The following NUP188 variants were observed in gnomAD, a reference collection of about 807,000 sequenced individuals.
NUP188 encodes nucleoporin 188, also known as nucleoporin NUP188.
Under a neutral mutation model 223.0 loss-of-function variants are expected in NUP188, and 97 were observed. The observed-to-expected ratio is 0.43, with a 90% CI of 0.37 to 0.51. NUP188 has a LOEUF of 0.51. Ranked by LOEUF, NUP188 falls within the 20% of genes least tolerant of loss-of-function variation. NUP188 has a pLI of 0.00. For missense variants in NUP188, 1,947 were observed against 2,175.6 expected, an observed-to-expected ratio of 0.89 and a Z score of 2.09; for synonymous variants, 869 against 828.0, an observed-to-expected ratio of 1.05 and a Z score of -0.85.
At chr9:128,985,349 G>A (rs773672519) in intron 20 of NUP188, 10 of 177,018 alleles carry the variant, frequency 5.6e-5, no homozygotes, top group Non-Finnish European at 1.1e-4. Flanking sequence ...ATACATGTGT[G>A]TATATTCCTG....
intron 11 of NUP188, 134 bp downstream of exon 11, chr9:128,971,092 C>A: frequency 1.4e-6 from 1 of 695,126 alleles, no homozygotes; most frequent in Non-Finnish European, 2.6e-6. Flanking sequence ...TAGACATCAT[C>A]AGGCATTATT....
rs780339259 is a variant in NUP188 at position 128,970,791 on chromosome 9, A to G, written c.946A>G (p.Ile316Val). 5.0e-6 allele frequency: 8 copies of G among 1,614,220 alleles called. No homozygotes were observed. ...CTGTTTAATGTTGACCTTTGGGGAC[A>G]TTCCACATCATGCCCCAGTGCTTTT... ...MDCLMLTFGDIPHHAPVLLAW... is the reference protein window; with the variant it reads ...MDCLMLTFGDVPHHAPVLLAW... The change falls in exon 11 of 44, where the codon ATT becomes GTT. Residue 316 changes from isoleucine (I) to valine (V), a missense_variant. By Grantham distance (29) the Ile-to-Val change is conservative (BLOSUM62 3). Coordinates refer to ENST00000372577, the MANE Select transcript of NUP188 (RefSeq NM_015354.3).
At chr9:128,991,093 T>C (rs1448108012) in intron 25 of NUP188, among the ~76,000 whole-genome samples, 1 of 151,720 alleles carries the variant, frequency 6.6e-6, no homozygotes. Context: ...AACAGAAAGT[T>C]AAGATGCCCT....
At chr9:128,979,545 C>T (rs977775518) in intron 13 of NUP188, among the ~76,000 whole-genome samples, 3 of 152,034 alleles carry the variant, frequency 2.0e-5, no homozygotes, top group Non-Finnish European at 4.4e-5. Flanking sequence ...AAGAGGCAGC[C>T]AGAACCCAGT....
chr9:129,001,825 C>T, intron 35 of NUP188, 59 bp from the exon 36 acceptor site: 1 of 1,597,312 alleles, frequency 6.3e-7, no homozygotes, highest in East Asian at 2.2e-5. Flanking sequence ...AGAGCCCTAC[C>T]TACCCTAGGC....
chr9:128,983,435 A>C lies in NUP188; in HGVS notation c.1885-39A>C, dbSNP rs761381193. 3 of 1,605,260 alleles carry C rather than the reference A, an allele frequency of 1.9e-6. No individual in the cohort carries two copies. In the Admixed American group the frequency reaches 5.0e-5, roughly 27 times the overall value. On this transcript the variant is annotated intron_variant, in intron 18 of 43. Transcript: ENST00000372577. ...AAATGTAGCACTTGGCACATACCTGAAGATATGTGGGCATTTAACTCTTCC... is the reference window on the plus strand; with the variant it reads ...AAATGTAGCACTTGGCACATACCTGCAGATATGTGGGCATTTAACTCTTCC...
rs1173111275 is a variant in NUP188 at position 128,994,711 on chromosome 9, C to T, written c.3088-145C>T. On this transcript the variant is annotated intron_variant, in intron 28 of 43. Coordinates refer to ENST00000372577, the MANE Select transcript of NUP188 (RefSeq NM_015354.3). The stretch of plus-strand genomic sequence containing the variant: ...ACGTTGTGGACCTGACGCCTCTGCT[C>T]TTGCAAGTCAGGACATTCACATTCA... The T allele has an allele frequency of 2.0e-5, 15 of 743,242 alleles. 1 individual carries two copies. Among genetic ancestry groups the T allele is most frequent in the South Asian group, 1.5e-4 (9 of 60,702 alleles). 46.0% of individuals were successfully genotyped at this position (743,242 alleles called of 1,614,324 possible).
intron 15 of NUP188, 96 bp from the exon 16 acceptor site, chr9:128,982,453 G>T: frequency 9.0e-7 from 1 of 1,117,084 alleles, no homozygotes. Context: ...CTGTGAGTTT[G>T]TGTATCTCTG....
At chr9:128,998,393 TGCCA>T in intron 31 of NUP188, 141 bp from the exon 32 acceptor site, 1 of 955,422 alleles carries the variant, frequency 1.0e-6, no homozygotes, top group East Asian at 2.4e-5. Flanking sequence ...GCTCTGCTGC[TGCCA>T]TGCCAACCCT....
intron 3 of NUP188, among the ~76,000 whole-genome samples, chr9:128,954,214 G>A (rs970272437): frequency 6.6e-6 from 1 of 151,812 alleles, no homozygotes; most frequent in Non-Finnish European, 1.5e-5. Context: ...CTGTGACAAT[G>A]TCTTAGTCTT....
In NUP188 at chr9:128,979,322, G is replaced by A. The variant is rs754180932; in HGVS notation, c.1264G>A (p.Gly422Arg). The change falls in exon 13 of 44, where the codon GGA (glycine) becomes AGA (arginine). Residue 422 changes from glycine to arginine, a missense_variant. By Grantham distance (125) the Gly-to-Arg change is moderately radical. Coordinates refer to ENST00000372577, the MANE Select transcript of NUP188 (RefSeq NM_015354.3). ...ADPSLPELFW[G>R]TEPTSGLGII... is the part of the protein sequence containing the mutation. ...CCCTTCTCTTCCGGAACTGTTCTGG[G>A]GAACAGTAAGTATGTCAGAGAGAGT... The A allele has an allele frequency of 2.5e-6, 4 of 1,606,114 alleles. No homozygotes were observed. In the East Asian group the frequency reaches 8.9e-5, roughly 36 times the overall value.
intron 36 of NUP188, among the ~76,000 whole-genome samples, chr9:129,002,527 CT>C (rs1842690068): frequency 6.6e-6 from 1 of 152,248 alleles, no homozygotes; most frequent in African/African-American, 2.4e-5. Context: ...CCAGCTACCC[CT>C]TAGAGGAAGT....
chr9:128,955,416 C>T (rs1841855030), intron 3 of NUP188, among the ~76,000 whole-genome samples: 1 of 152,092 alleles, frequency 6.6e-6, no homozygotes, highest in African/African-American at 2.4e-5. Context: ...AAGCTACACT[C>T]CTGCCTTGGC....
At chr9:128,993,835 C>T in intron 27 of NUP188, 141 bp downstream of exon 27, 2 of 703,574 alleles carry the variant, frequency 2.8e-6, no homozygotes, top group Non-Finnish European at 4.7e-6. Flanking sequence ...GAGTTTTACA[C>T]TAATTCTCTT....
rs752338229 is a variant in NUP188 at position 128,983,322 on chromosome 9, A to G, written c.1826A>G (p.Asp609Gly). The change falls in exon 18 of 44, where the codon GAT (aspartate) becomes GGT (glycine). Residue 609 changes from aspartate (D) to glycine (G), a missense_variant. Asp to Gly is a moderately conservative substitution (Grantham distance 94). Around this residue, in one of 3 missense-constraint regions of NUP188, gnomAD observed 817 missense variants for 865.8 expected, o/e 0.94. Transcript: ENST00000372577. Reference sequence around the variant, plus strand: ...ACGACAGTGATCTCCCCACCTGTGGATGTCATTGCTTCTTGTGTCAACTGC... The same window carrying G: ...ACGACAGTGATCTCCCCACCTGTGGGTGTCATTGCTTCTTGTGTCAACTGC... ...RLTTVISPPV[D>G]VIASCVNCLT... 6 of 1,614,118 alleles carry G rather than the reference A, an allele frequency of 3.7e-6. No homozygotes were observed. In the Admixed American group the frequency reaches 1.0e-4, roughly 27 times the overall value.
chr9:128,973,663 A>G (rs1842133390), intron 12 of NUP188, among the ~76,000 whole-genome samples: 1 of 152,172 alleles, frequency 6.6e-6, no homozygotes, highest in Non-Finnish European at 1.5e-5. Flanking sequence ...GATAACAGGC[A>G]TGAGCCACTG....
At chr9:128,970,511 C>G (rs572824641) in intron 10 of NUP188, among the ~76,000 whole-genome samples, 1 of 151,988 alleles carries the variant, frequency 6.6e-6, no homozygotes, top group South Asian at 2.1e-4. Context: ...AGGAATGTAT[C>G]GTAACATGCA....
At chr9:128,959,813 T>C (rs1440479405) in intron 8 of NUP188, among the ~76,000 whole-genome samples, 1 of 152,190 alleles carries the variant, frequency 6.6e-6, no homozygotes. Flanking sequence ...GTTGGGGTTA[T>C]GGGCATGAGC....
At chr9:128,968,246 TAAA>T (rs796096031) in intron 8 of NUP188, among the ~76,000 whole-genome samples, 17 of 150,146 alleles carry the variant, frequency 1.1e-4, no homozygotes, top group African/African-American at 4.2e-4. Context: ...CCCTGTCTCT[TAAA>T]AAAAAAGCAA....
Sources: allele counts gnomAD v4.1 joint callset (sites outside exome capture counted in the v4.1 genomes callset), GRCh38; gene constraint gnomAD v4.1.1; regional missense constraint gnomAD v4.1.1; transcripts MANE v1.5; gene names NCBI Gene and HGNC (gene_info 2026-07-23, HGNC 2026-07-21).